The following RYR2 variants were observed in gnomAD, a reference collection of about 807,000 sequenced individuals.
RYR2 encodes the protein ryanodine receptor 2.
RYR2 carries 227 observed loss-of-function variants against 601.1 expected under a neutral mutation model. The observed-to-expected ratio is 0.38, with a 90% CI of 0.34 to 0.42. The LOEUF is 0.42. Ranked by LOEUF, RYR2 falls within the 10% of genes least tolerant of loss-of-function variation. The pLI, the probability that RYR2 is intolerant of heterozygous loss-of-function variation, is 1.00. For missense variants in RYR2, 4,646 were observed against 6,156.5 expected, an observed-to-expected ratio of 0.75 and a Z score of 8.21; for synonymous variants, 2,223 against 2,175.1, an observed-to-expected ratio of 1.02 and a Z score of -0.61.
chr1:237,355,819 C>A, intron 3 of RYR2, 146 bp from the exon 4 acceptor site: 1 of 683,124 alleles, frequency 1.5e-6, no homozygotes, highest in Non-Finnish European at 2.4e-6. Context: ...TAATGAAAAA[C>A]TTGAATACAA....
rs534330491 is a variant in RYR2, at chr1:237,085,404, T to C, written c.48+42835T>C. ...CTTTTGGAGTCCCTTCCCTGTTGCATAAAATAAAATCTACCCCATCAGATA... is the reference window on the plus strand; with the variant it reads ...CTTTTGGAGTCCCTTCCCTGTTGCACAAAATAAAATCTACCCCATCAGATA... On this transcript the variant is annotated intron_variant, in intron 1 of 104. Transcript: ENST00000366574. Among the ~76,000 whole-genome samples the C allele has an allele frequency of 1.3e-4, 20 of 152,338 alleles. No individual in the cohort carries two copies. In the East Asian group the frequency reaches 3.1e-3, roughly 24 times the overall value.
rs71561877 is a variant in RYR2, at chr1:237,469,295, T to TGTG, written c.1708+115_1708+117dup. The TGTG allele has an allele frequency of 0.38, 135,963 of 359,728 alleles. 36,201 individuals are homozygous for TGTG. The highest frequency in any genetic ancestry group is 0.68 in the East Asian group (9,017 of 13,172). 22.3% of individuals were successfully genotyped at this position (359,728 alleles called of 1,614,324 possible). On this transcript the variant is annotated intron_variant, in intron 17 of 104. Transcript: ENST00000366574. ...AAAAAAAAAACAACTTTGAGTGAGG[T>TGTG]GTGGTGGTGTGTACTGAGTCCCAGA...
intron 96 of RYR2, among the ~76,000 whole-genome samples, chr1:237,795,635 G>A (rs1480611519): frequency 2.5e-5 from 3 of 119,368 alleles, no homozygotes; most frequent in Non-Finnish European, 5.4e-5. Context: ...ATTTTTAGTC[G>A]AGATGGGGTT....
chr1:237,773,672 A>C, intron 87 of RYR2, 24 bp downstream of exon 87: 1 of 1,604,952 alleles, frequency 6.2e-7, no homozygotes, highest in Non-Finnish European at 8.5e-7. Flanking sequence ...CATGGCTGCT[A>C]TCTGTAGCAC....
chr1:237,532,355 T>C (rs917493915), intron 25 of RYR2, among the ~76,000 whole-genome samples: 5 of 152,106 alleles, frequency 3.3e-5, no homozygotes, highest in Non-Finnish European at 7.4e-5. Context: ...AAAAAGATCA[T>C]TGAGTTAAGT....
At chr1:237,228,944 T>C (rs1050743219) in intron 1 of RYR2, among the ~76,000 whole-genome samples, 29 of 152,212 alleles carry the variant, frequency 1.9e-4, no homozygotes, top group Admixed American at 1.1e-3. Flanking sequence ...CAGCTAACAT[T>C]GTGCACCTAT....
At chr1:237,827,798 G>T (rs913695784) in intron 101 of RYR2, among the ~76,000 whole-genome samples, 4 of 151,754 alleles carry the variant, frequency 2.6e-5, no homozygotes, top group African/African-American at 9.7e-5. Flanking sequence ...TTAGCCAGGT[G>T]TGGCAGTGTG....
intron 1 of RYR2, among the ~76,000 whole-genome samples, chr1:237,118,589 T>C (rs551120899): frequency 1.3e-5 from 2 of 151,916 alleles, no homozygotes; most frequent in Non-Finnish European, 2.9e-5. Context: ...AGTTATTGTT[T>C]GTTTGTTTTT....
chr1:237,828,720 T>C (rs1663436548), intron 102 of RYR2, among the ~76,000 whole-genome samples: 2 of 152,196 alleles, frequency 1.3e-5, no homozygotes, highest in Admixed American at 1.3e-4. Context: ...AAAGATTCAA[T>C]GACAAGTAAA....
intron 1 of RYR2, among the ~76,000 whole-genome samples, chr1:237,206,266 T>G (rs1246893410): frequency 6.6e-6 from 1 of 152,188 alleles, no homozygotes; most frequent in Non-Finnish European, 1.5e-5. Context: ...TCTACCTGTT[T>G]GATTCCATTT....
intron 19 of RYR2, among the ~76,000 whole-genome samples, chr1:237,494,475 C>A (rs546154631): frequency 1.3e-5 from 2 of 152,218 alleles, no homozygotes; most frequent in East Asian, 3.9e-4. Flanking sequence ...TTAGATGGTG[C>A]CCACCCAGAT....
intron 29 of RYR2, among the ~76,000 whole-genome samples, chr1:237,588,819 C>T (rs140928914): frequency 1.2e-4 from 15 of 125,960 alleles, no homozygotes; most frequent in African/African-American, 3.3e-4. Flanking sequence ...GGTGACAGAA[C>T]GAGACTCCGT....
At chr1:237,656,263 T>C (rs1683234434) in intron 53 of RYR2, among the ~76,000 whole-genome samples, 1 of 152,200 alleles carries the variant, frequency 6.6e-6, no homozygotes, top group Admixed American at 6.5e-5. Context: ...GTCAGTTATA[T>C]TTTTAGTTGA....
chr1:237,185,516 T>C (rs1679248202), intron 1 of RYR2, among the ~76,000 whole-genome samples: 1 of 152,006 alleles, frequency 6.6e-6, no homozygotes, highest in South Asian at 2.1e-4. Flanking sequence ...GGTCATTAGA[T>C]TGGCAGCCCT....
intron 44 of RYR2, 115 bp downstream of exon 44, chr1:237,635,107 C>T (rs954076232): frequency 1.4e-6 from 1 of 723,472 alleles, no homozygotes; most frequent in East Asian, 2.8e-5. Context: ...TGCAATGTGA[C>T]ATTATGGCCA....
chr1:237,181,543 G>A (rs1678758787), intron 1 of RYR2, among the ~76,000 whole-genome samples: 1 of 152,170 alleles, frequency 6.6e-6, no homozygotes, highest in Non-Finnish European at 1.5e-5. Context: ...GATGAGAGAT[G>A]TTTTTGATGC....
chr1:237,768,766 T>G (rs1694042172), intron 84 of RYR2, among the ~76,000 whole-genome samples: 1 of 152,184 alleles, frequency 6.6e-6, no homozygotes, highest in Non-Finnish European at 1.5e-5. Flanking sequence ...TGGCAGCATT[T>G]TAATCAGATA....
chr1:237,636,844 T>C (rs1680925439), intron 44 of RYR2, among the ~76,000 whole-genome samples: 1 of 150,540 alleles, frequency 6.6e-6, no homozygotes. Flanking sequence ...CGGTGAAATG[T>C]CATCCCACAA....
intron 4 of RYR2, among the ~76,000 whole-genome samples, chr1:237,359,508 A>G (rs1699591297): frequency 6.6e-6 from 1 of 152,208 alleles, no homozygotes; most frequent in African/African-American, 2.4e-5. Context: ...CCACCAGATT[A>G]AGACCTTTGG....
Sources: allele counts gnomAD v4.1 joint callset (sites outside exome capture counted in the v4.1 genomes callset), GRCh38; gene constraint gnomAD v4.1.1; transcripts MANE v1.5; gene names NCBI Gene and HGNC (gene_info 2026-07-23, HGNC 2026-07-21).